The following NRXN2 variants were observed in gnomAD, a reference collection of about 807,000 sequenced individuals.
The protein encoded by NRXN2 is neurexin-2-beta.
In NRXN2, 29 loss-of-function variants were observed where a neutral mutation model predicts 128.8. That is an observed-to-expected ratio of 0.23 (90% CI 0.17 to 0.31). The LOEUF is 0.31. Ranked by LOEUF, NRXN2 falls within the 10% of genes least tolerant of loss-of-function variation. The probability of loss-of-function intolerance (pLI) is 1.00; values close to 1 mark genes in which losing one functional copy is unlikely to be tolerated. For synonymous variants in NRXN2, 1,098 were observed against 1,075.2 expected, an observed-to-expected ratio of 1.02 and a Z score of -0.41; for missense variants, 1,881 against 2,452.6, an observed-to-expected ratio of 0.77 and a Z score of 4.92.
At chr11:64,697,289 C>T (rs1241452626) in intron 3 of NRXN2, among the ~76,000 whole-genome samples, 1 of 152,192 alleles carries the variant, frequency 6.6e-6, no homozygotes, top group Non-Finnish European at 1.5e-5. Context: ...GTGCACTCCA[C>T]CACCCTCCAG....
chr11:64,658,639 A>C (rs1033111721), intron 11 of NRXN2, among the ~76,000 whole-genome samples: 1 of 152,250 alleles, frequency 6.6e-6, no homozygotes, highest in African/African-American at 2.4e-5. Context: ...GTATAAATAC[A>C]TTTACAAGGC....
chr11:64,664,478 C>CAAAA (rs11378464), intron 9 of NRXN2, among the ~76,000 whole-genome samples: 1 of 98,674 alleles, frequency 1.0e-5, no homozygotes, highest in East Asian at 2.5e-4. Context: ...AACTCCGTGT[C>CAAAA]AAAAAAAAAA....
At chr11:64,696,240 G>A (rs1182388165) in intron 3 of NRXN2, among the ~76,000 whole-genome samples, 2 of 151,878 alleles carry the variant, frequency 1.3e-5, no homozygotes, top group Non-Finnish European at 2.9e-5. Flanking sequence ...CGTCCACCCA[G>A]ACACGCAGAC....
At chr11:64,694,797 G>A (rs187443216) in intron 3 of NRXN2, among the ~76,000 whole-genome samples, 190 of 152,150 alleles carry the variant, frequency 1.2e-3, no homozygotes, top group African/African-American at 4.4e-3. Context: ...CGACTCTCCC[G>A]GTCAGAAGCA....
In NRXN2 at chr11:64,650,496, G is replaced by A. The variant is rs756127419; in HGVS notation, c.3061C>T (p.Arg1021Cys). 48 of 1,614,076 alleles carry A rather than the reference G, an allele frequency of 3.0e-5. No individual in the cohort carries two copies. Among genetic ancestry groups the A allele is most frequent in the Middle Eastern group, 1.6e-4 (1 of 6,084 alleles). The change falls in exon 15 of 23, where the codon CGC becomes TGC. Residue 1021 changes from arginine (R) to cysteine (C), a missense_variant. Around this residue, in one of 7 missense-constraint regions of NRXN2, gnomAD observed 390 missense variants for 599.6 expected, o/e 0.65. Transcript: ENST00000265459. ...CCATTGGAGTGCTGCGTGACAGTGC[G>A]GGAGTCAATCTTGAGCGTGTGCACG... ...GNVHTLKIDS[R>C]TVTQHSNGAR... is the part of the protein sequence containing the mutation.
intron 17 of NRXN2, among the ~76,000 whole-genome samples, chr11:64,645,560 A>T (rs935932129): frequency 2.6e-5 from 4 of 151,564 alleles, no homozygotes; most frequent in Non-Finnish European, 5.9e-5. Flanking sequence ...TCTTTTAGCT[A>T]CCCTTTCTCA....
intron 5 of NRXN2, among the ~76,000 whole-genome samples, chr11:64,687,217 C>A (rs901874202): frequency 2.6e-5 from 4 of 152,236 alleles, no homozygotes; most frequent in African/African-American, 9.6e-5. Flanking sequence ...AGGCACAATG[C>A]CAGGGTGCAT....
At chr11:64,619,602 C>T (rs529938948) in intron 22 of NRXN2, among the ~76,000 whole-genome samples, 2 of 152,256 alleles carry the variant, frequency 1.3e-5, no homozygotes, top group South Asian at 4.1e-4. Flanking sequence ...CCCTCCCAGC[C>T]CTGCTCTCCT....
intron 5 of NRXN2, 56 bp from the exon 6 acceptor site, chr11:64,686,003 G>A: frequency 1.3e-6 from 2 of 1,594,344 alleles, no homozygotes; most frequent in Non-Finnish European, 1.7e-6. Context: ...GGGTACACCA[G>A]TGCTTCCCTC....
intron 7 of NRXN2, among the ~76,000 whole-genome samples, chr11:64,673,930 C>A (rs527717186): frequency 3.3e-4 from 50 of 151,084 alleles, no homozygotes; most frequent in African/African-American, 1.1e-3. Flanking sequence ...CTAAGCTACT[C>A]AGGAGGCTGA....
Position 64,652,167 on chromosome 11 carries a change from G to C in NRXN2, c.2417-13C>G. ...TCGGGGCCTTTACCTGCGGCACCAA[G>C]GGGGGAATGAGGAGGGCACCTATAC... On this transcript the variant is annotated splice_polypyrimidine_tract_variant and intron_variant, in intron 12 of 22. Transcript: ENST00000265459. 6.2e-7 allele frequency: 1 copy of C among 1,608,844 alleles called. No individual in the cohort carries two copies. Among genetic ancestry groups the C allele is most frequent in the African/African-American group, 1.3e-5 (1 of 74,952 alleles).
At chr11:64,610,105 C>T (rs1352245860) in intron 22 of NRXN2, among the ~76,000 whole-genome samples, 1 of 152,154 alleles carries the variant, frequency 6.6e-6, no homozygotes, top group Non-Finnish European at 1.5e-5. Flanking sequence ...TTGGCCACGC[C>T]AGCCAGCCTG....
At chr11:64,721,165 C>T (rs1206067768) in intron 1 of NRXN2, among the ~76,000 whole-genome samples, 1 of 151,628 alleles carries the variant, frequency 6.6e-6, no homozygotes, top group Non-Finnish European at 1.5e-5. Context: ...AGGTGTGTGT[C>T]TGGGTGGGTG....
At chr11:64,718,403 G>A (rs1392194798) in intron 1 of NRXN2, among the ~76,000 whole-genome samples, 1 of 152,194 alleles carries the variant, frequency 6.6e-6, no homozygotes, top group Non-Finnish European at 1.5e-5. Flanking sequence ...GAGACAGCAG[G>A]GGCCTCCTCC....
At chr11:64,642,237 GGTAAGGAAGTA>G (rs2045792794) in intron 17 of NRXN2, among the ~76,000 whole-genome samples, 1 of 151,992 alleles carries the variant, frequency 6.6e-6, no homozygotes, top group Non-Finnish European at 1.5e-5. Flanking sequence ...GGGCGGGGAG[GGTAAGGAAGTA>G]GAAGGAGATA....
intron 3 of NRXN2, among the ~76,000 whole-genome samples, chr11:64,697,229 G>A (rs2054672003): frequency 6.6e-6 from 1 of 152,070 alleles, no homozygotes; most frequent in Non-Finnish European, 1.5e-5. Context: ...TGGTCACAGT[G>A]GGGCAGAGAA....
intron 7 of NRXN2, among the ~76,000 whole-genome samples, chr11:64,668,912 C>A (rs1044362595): frequency 8.5e-5 from 13 of 152,288 alleles, no homozygotes; most frequent in African/African-American, 3.1e-4. Context: ...TCCTGGAGGG[C>A]ACTCTGAACA....
chr11:64,713,122 C>G lies in NRXN2; in HGVS notation c.578G>C (p.Gly193Ala). The G allele has an allele frequency of 1.4e-6, 2 of 1,423,920 alleles. No homozygotes were observed. Among genetic ancestry groups the G allele is most frequent in the Non-Finnish European group, 1.8e-6 (2 of 1,088,212 alleles). 88.2% of individuals were successfully genotyped at this position (1,423,920 alleles called of 1,614,324 possible). A position where few individuals can be genotyped will look rare whatever the true frequency, so the allele number is the denominator to read the frequency against. ...KLGERPPALL[G>A]SQGLRGATAD... is the part of the protein sequence containing the mutation. ...GGTGGCGCCGCGCAGGCCCTGGCTG[C>G]CCAGCAGCGCGGGGGGCCGCTCGCC... Residue 193 changes from glycine (G) to alanine (A), a missense_variant, in exon 2 of 23, where the codon GGC becomes GCC. This residue lies in a region of NRXN2 where 997 missense variants were observed against 1,240.8 expected (regional missense o/e 0.80). Transcript: ENST00000265459.
At chr11:64,704,134 G>C (rs1473553103) in intron 2 of NRXN2, among the ~76,000 whole-genome samples, 1 of 152,108 alleles carries the variant, frequency 6.6e-6, no homozygotes, top group Non-Finnish European at 1.5e-5. Flanking sequence ...ACAGGTACTG[G>C]ATGTTAGAGC....
Sources: gnomAD v4.1 joint callset for allele counts (sites outside exome capture counted in the v4.1 genomes callset) on GRCh38, gnomAD v4.1.1 for gene constraint, gnomAD v4.1.1 regional missense constraint, MANE v1.5 for transcripts, NCBI Gene and HGNC (gene_info 2026-07-23, HGNC 2026-07-21) for gene names.